MMD2: variants seen among roughly 807,000 people sequenced by gnomAD.
MMD2 encodes the protein monocyte to macrophage differentiation associated 2.
In MMD2, 30 loss-of-function variants were observed where a neutral mutation model predicts 33.5. That is an observed-to-expected ratio of 0.90 (90% CI 0.67 to 1.22). MMD2 has a LOEUF of 1.22. MMD2 is among the 50% of genes most tolerant of loss of function. MMD2 has a pLI of 0.00. For missense variants in MMD2, 364 were observed against 325.4 expected, an observed-to-expected ratio of 1.12 and a Z score of -0.91; for synonymous variants, 129 against 123.0, an observed-to-expected ratio of 1.05 and a Z score of -0.32.
At chr7:4,894,870 T>C in the MMD2 span, among the ~76,000 whole-genome samples, 49 of 151,970 alleles carry the variant, frequency 3.2e-4, 1 homozygote, top group East Asian at 7.4e-3. This position sits in a 1 kb window ranked among gnomAD's most constrained non-coding sequence, Gnocchi z 4.3. Flanking sequence ...GGGTAGGTGG[T>C]GTATGTGGAG....
Position 4,959,082 on chromosome 7 carries a change from G to T in MMD2, c.-65C>A. 1.6e-6 allele frequency: 2 copies of T among 1,219,856 alleles called. No homozygotes were observed. Among genetic ancestry groups the T allele is most frequent in the Non-Finnish European group, 2.1e-6 (2 of 965,700 alleles). The allele number at this position is 1,219,856 out of a possible 1,614,324, so 75.6% of individuals were successfully genotyped here. A position where few individuals can be genotyped will look rare whatever the true frequency, so the allele number is the denominator to read the frequency against. The stretch of plus-strand genomic sequence containing the variant: ...GCGGGTAGCTGGCAGAGCCTGGGGG[G>T]CGCGGCGGCGGCAGCAGCAGGTTGG... On this transcript the variant is annotated 5_prime_UTR_variant, in exon 1 of 7. Transcript: ENST00000401401.
chr7:4,913,098 A>G (rs1026304756), intron 4 of MMD2, among the ~76,000 whole-genome samples: 4 of 152,176 alleles, frequency 2.6e-5, no homozygotes, highest in African/African-American at 9.7e-5. Flanking sequence ...TTTAAGTAAC[A>G]CCGAAAAGTT....
At chr7:4,926,104 CT>C (rs202233516) in intron 1 of MMD2, among the ~76,000 whole-genome samples, 1 of 150,146 alleles carries the variant, frequency 6.7e-6, no homozygotes, top group Non-Finnish European at 1.5e-5. Flanking sequence ...CCACGCCGGG[CT>C]TTTTTTTTCT....
chr7:4,908,254 G>A (rs1307822661), intron 6 of MMD2, among the ~76,000 whole-genome samples: 1 of 149,948 alleles, frequency 6.7e-6, no homozygotes, highest in Non-Finnish European at 1.5e-5. Context: ...CAATTCTCCT[G>A]CCTCAGCCTC....
intron 1 of MMD2, among the ~76,000 whole-genome samples, chr7:4,956,291 T>C (rs1786380259): frequency 6.6e-6 from 1 of 151,778 alleles, no homozygotes; most frequent in Admixed American, 6.6e-5. Flanking sequence ...CCAGGCATGG[T>C]GGTGCACACC....
chr7:4,924,372 G>A (rs1369186948), intron 2 of MMD2, among the ~76,000 whole-genome samples: 2 of 152,178 alleles, frequency 1.3e-5, no homozygotes, highest in African/African-American at 2.4e-5. Context: ...GGTCAGGGCG[G>A]GGGGTTTGAG....
the MMD2 span, among the ~76,000 whole-genome samples, chr7:4,898,687 G>A: frequency 2.0e-5 from 3 of 152,158 alleles, no homozygotes; most frequent in Non-Finnish European, 4.4e-5. Flanking sequence ...ATCACTTGAG[G>A]TCAGGAGTTC....
intron 1 of MMD2, among the ~76,000 whole-genome samples, chr7:4,951,443 C>A (rs554520449): frequency 6.6e-6 from 1 of 151,972 alleles, no homozygotes; most frequent in Non-Finnish European, 1.5e-5. Context: ...TGCACTTCAC[C>A]CCCCAATGGC....
chr7:4,939,883 G>A (rs73322960), intron 1 of MMD2, among the ~76,000 whole-genome samples: 30,897 of 151,902 alleles, frequency 0.2, 4,246 homozygotes, highest in African/African-American at 0.38. Context: ...GGGACTACAG[G>A]TGTACAGAAC....
chr7:4,932,344 T>A (rs1472416654), intron 1 of MMD2, among the ~76,000 whole-genome samples: 1 of 152,134 alleles, frequency 6.6e-6, no homozygotes, highest in Non-Finnish European at 1.5e-5. Flanking sequence ...TGCGACCTCA[T>A]TTCTTTCCTC....
At chr7:4,952,483 G>A (rs1786272599) in intron 1 of MMD2, among the ~76,000 whole-genome samples, 1 of 152,202 alleles carries the variant, frequency 6.6e-6, no homozygotes, top group African/African-American at 2.4e-5. Flanking sequence ...CATAGGCCGG[G>A]CGGCCACTGC....
intron 1 of MMD2, among the ~76,000 whole-genome samples, chr7:4,935,870 G>A (rs996620799): frequency 6.6e-6 from 1 of 151,834 alleles, no homozygotes; most frequent in Non-Finnish European, 1.5e-5. Context: ...AACTACCTGT[G>A]CATTTATAAT....
intron 3 of MMD2, among the ~76,000 whole-genome samples, chr7:4,918,742 C>T (rs974608607): frequency 2.0e-5 from 3 of 151,966 alleles, no homozygotes; most frequent in Admixed American, 2.0e-4. Flanking sequence ...CCTACCTCGG[C>T]CACCCAAAAT....
In MMD2 at chr7:4,925,513, G is replaced by A; in HGVS notation, c.67C>T (p.Pro23Ser). The A allele has an allele frequency of 6.3e-7, 1 of 1,575,924 alleles. No homozygotes were observed. The highest frequency in any genetic ancestry group is 8.6e-7 in the Non-Finnish European group (1 of 1,158,844). The change falls in exon 2 of 7, where the codon CCT (proline) becomes TCT (serine). Residue 23 changes from proline to serine, a missense_variant. Coordinates refer to ENST00000401401, the MANE Select transcript of MMD2 (RefSeq NM_198403.4). ...KYARFMNHRV[P>S]AHKRYQPTEY... ...GTGGGCTGGTACCTCTTGTGGGCAGGGACTCGGTGGTTCATGAACCTGGAA... is the reference window on the plus strand; with the variant it reads ...GTGGGCTGGTACCTCTTGTGGGCAGAGACTCGGTGGTTCATGAACCTGGAA...
intron 1 of MMD2, among the ~76,000 whole-genome samples, chr7:4,947,468 A>T (rs1583399195): frequency 6.7e-6 from 1 of 150,040 alleles, no homozygotes; most frequent in South Asian, 2.1e-4. Flanking sequence ...ATCTCAGCTC[A>T]CTGCAACCTC....
At chr7:4,912,760 C>T (rs1459855891) in intron 4 of MMD2, among the ~76,000 whole-genome samples, 1 of 152,040 alleles carries the variant, frequency 6.6e-6, no homozygotes, top group Non-Finnish European at 1.5e-5. Context: ...GGCTAAAGTG[C>T]AGTGAGGCAA....
Position 4,927,078 on chromosome 7 carries a change from A to T in MMD2, c.48-1546T>A, listed in dbSNP as rs570236560. Among the ~76,000 whole-genome samples, 313 of 152,056 alleles carry T rather than the reference A, an allele frequency of 2.1e-3. 1 individual carries two copies. The highest frequency in any genetic ancestry group is 6.7e-3 in the African/African-American group (277 of 41,502). On this transcript the variant is annotated intron_variant, in intron 1 of 6. Transcript: ENST00000401401. ...GTAGTTTTCATGGCTATTGTATTCC[A>T]CTGGGTGAACAGACCACAAGTGAAT... is the stretch of plus-strand genomic sequence containing the variant.
intron 1 of MMD2, among the ~76,000 whole-genome samples, chr7:4,931,900 C>T (rs1481409267): frequency 3.9e-5 from 6 of 152,134 alleles, no homozygotes; most frequent in African/African-American, 1.4e-4. Context: ...TGCCCAAAAG[C>T]CCTCCAGGAG....
chr7:4,922,999 T>A (rs1462996693), intron 2 of MMD2, among the ~76,000 whole-genome samples: 3 of 152,208 alleles, frequency 2.0e-5, no homozygotes, highest in Non-Finnish European at 4.4e-5. Flanking sequence ...ACTATGAATA[T>A]GCCTTGTGTT....
Sources: allele counts gnomAD v4.1 joint callset (sites outside exome capture counted in the v4.1 genomes callset), GRCh38; gene constraint gnomAD v4.1.1; non-coding constraint Gnocchi (gnomAD v3.1); transcripts MANE v1.5; gene names NCBI Gene and HGNC (gene_info 2026-07-23, HGNC 2026-07-21).